Variants in RBM33 observed in about 807,000 individuals in gnomAD.
RBM33 encodes RNA binding motif protein 33, also known as RNA-binding protein 33.
Under a neutral mutation model 132.6 loss-of-function variants are expected in RBM33, and 28 were observed. The ratio of observed to expected loss-of-function variants is 0.21; its 90% CI spans 0.16 to 0.29. The LOEUF is 0.29. Ranked by LOEUF, RBM33 falls within the 10% of genes least tolerant of loss-of-function variation. The pLI is 1.00. For missense variants in RBM33, 1,291 were observed against 1,518.5 expected (o/e 0.85, Z 2.49); for synonymous variants, 634 against 593.0 (o/e 1.07, Z -1.01).
intron 2 of RBM33, among the ~76,000 whole-genome samples, chr7:155,671,631 T>C (rs1439605570): frequency 6.6e-6 from 1 of 152,228 alleles, no homozygotes; most frequent in Non-Finnish European, 1.5e-5. Context: ...ATGGTTTTGC[T>C]GATTTCTCAA....
rs575284484 is a variant in RBM33 at position 155,709,784 on chromosome 7, AG to A, written c.949-1414del. On this transcript the variant is annotated intron_variant, in intron 7 of 17. Coordinates refer to ENST00000401878, the MANE Select transcript of RBM33 (RefSeq NM_053043.3). ...TGTGCACAGATGTGATGAGTTAAGG[AG>A]GGGGAAACATACTGCATTCTGGGAG... is the stretch of plus-strand genomic sequence containing the variant. 1.4e-3 allele frequency among the ~76,000 whole-genome samples: 216 copies of A among 152,294 alleles called. 4 individuals are homozygous for A. The highest frequency in any genetic ancestry group is 5.0e-3 in the African/African-American group (206 of 41,554).
At chr7:155,696,668 A>C (rs1585450676) in intron 5 of RBM33, among the ~76,000 whole-genome samples, 1 of 152,092 alleles carries the variant, frequency 6.6e-6, no homozygotes, top group East Asian at 1.9e-4. Context: ...TATGGCTTTT[A>C]TTCCTTATTG....
At chr7:155,716,593 A>G (rs1800470562) in intron 8 of RBM33, among the ~76,000 whole-genome samples, 1 of 151,522 alleles carries the variant, frequency 6.6e-6, no homozygotes. Context: ...ATATTTGTTA[A>G]CTTGATTATA....
intron 5 of RBM33, among the ~76,000 whole-genome samples, chr7:155,686,725 C>G (rs545283146): frequency 6.6e-6 from 1 of 152,004 alleles, no homozygotes; most frequent in Admixed American, 6.6e-5. Flanking sequence ...TGAGAACATG[C>G]AGTGTTTGGT....
chr7:155,769,663 T>C (rs1227662654), intron 16 of RBM33, among the ~76,000 whole-genome samples: 1 of 151,874 alleles, frequency 6.6e-6, no homozygotes. Context: ...TAAGATAAAG[T>C]GGATCACCGA....
chr7:155,732,480 C>T (rs1387490017), intron 9 of RBM33, among the ~76,000 whole-genome samples: 7 of 152,130 alleles, frequency 4.6e-5, no homozygotes, highest in East Asian at 3.9e-4. Flanking sequence ...TGATGAGTTG[C>T]GAGCCCTGAA....
intron 1 of RBM33, among the ~76,000 whole-genome samples, chr7:155,662,934 A>G (rs531600029): frequency 6.6e-6 from 1 of 152,276 alleles, no homozygotes; most frequent in East Asian, 1.9e-4. Context: ...AGTTTCAAGG[A>G]TGAAGAGGGG....
At chr7:155,756,082 C>T (rs1801840982) in intron 14 of RBM33, among the ~76,000 whole-genome samples, 2 of 152,104 alleles carry the variant, frequency 1.3e-5, no homozygotes, top group Admixed American at 1.3e-4. Context: ...AGTTAAAAAG[C>T]GAACACCACC....
intron 1 of RBM33, among the ~76,000 whole-genome samples, chr7:155,645,813 A>G (rs1798170821): frequency 6.6e-6 from 1 of 152,186 alleles, no homozygotes; most frequent in South Asian, 2.1e-4. Context: ...TCTAGTGTAT[A>G]CTCGAGAAGT....
Position 155,778,423 on chromosome 7 carries a change from G to A in RBM33, c.*3382G>A. 1 of 152,566 alleles carries A rather than the reference G, an allele frequency of 6.6e-6. No individual in the cohort carries two copies. Among genetic ancestry groups the A allele is most frequent in the Non-Finnish European group, 1.5e-5 (1 of 68,154 alleles). The allele number at this position is 152,566 out of a possible 1,614,324, so 9.5% of individuals were successfully genotyped here. On this transcript the variant is annotated 3_prime_UTR_variant, in exon 18 of 18. Transcript: ENST00000401878. The surrounding 1 kb of genome is among the most constrained non-coding windows in gnomAD (Gnocchi z 4.0). Reference sequence around the variant, plus strand: ...TTTAGGGTGAAAAGGAGGAAGGGATGGACAGACCCAGGTGAGGAGAGGCCT... The same window carrying A: ...TTTAGGGTGAAAAGGAGGAAGGGATAGACAGACCCAGGTGAGGAGAGGCCT...
intron 1 of RBM33, among the ~76,000 whole-genome samples, chr7:155,662,519 GC>G (rs139288216): frequency 2.1e-4 from 32 of 150,996 alleles, no homozygotes; most frequent in African/African-American, 7.3e-4. Flanking sequence ...TCCTCACCCC[GC>G]CCCCCCCGCT....
chr7:155,680,124 G>T (rs566405430), intron 4 of RBM33, among the ~76,000 whole-genome samples: 105 of 152,210 alleles, frequency 6.9e-4, no homozygotes, highest in Non-Finnish European at 1.3e-3. Context: ...GAAAAAAATT[G>T]TTCTTAAAAT....
At chr7:155,660,233 C>T (rs1798603848) in intron 1 of RBM33, among the ~76,000 whole-genome samples, 1 of 152,048 alleles carries the variant, frequency 6.6e-6, no homozygotes. Flanking sequence ...ACCACCACAC[C>T]CAGCTAAGTT....
At chr7:155,656,284 C>T (rs1424169702) in intron 1 of RBM33, among the ~76,000 whole-genome samples, 2 of 152,054 alleles carry the variant, frequency 1.3e-5, no homozygotes, top group African/African-American at 2.4e-5. Context: ...ATCAGGGCAC[C>T]AATATTTTCA....
rs116773707 is a variant in RBM33 at position 155,740,451 on chromosome 7, C to T, written c.2049+425C>T. Among the ~76,000 whole-genome samples, 621 of 152,064 alleles carry T rather than the reference C, an allele frequency of 4.1e-3. 8 individuals carry two copies. Among genetic ancestry groups the T allele is most frequent in the African/African-American group, 0.014 (596 of 41,474 alleles). ...TACATAAATGAATTCAGGAAAAATACGTTGACTGTTCTGTTGCCAGGTGCT... is the reference window on the plus strand; with the variant it reads ...TACATAAATGAATTCAGGAAAAATATGTTGACTGTTCTGTTGCCAGGTGCT... On this transcript the variant is annotated intron_variant, in intron 12 of 17. Transcript: ENST00000401878.
At chr7:155,644,995 G>C in intron 1 of RBM33, 76 bp downstream of exon 1, 1 of 1,152,612 alleles carries the variant, frequency 8.7e-7, no homozygotes, top group South Asian at 1.6e-5. Context: ...GGGCCTCCCC[G>C]CTTAGGAGAG....
intron 1 of RBM33, among the ~76,000 whole-genome samples, chr7:155,663,737 G>A (rs1020951889): frequency 6.6e-6 from 1 of 152,090 alleles, no homozygotes; most frequent in African/African-American, 2.4e-5. Flanking sequence ...AATTCCTGAG[G>A]CTTTATAGGT....
intron 16 of RBM33, among the ~76,000 whole-genome samples, chr7:155,773,946 G>T (rs2117087501): frequency 6.6e-6 from 1 of 152,242 alleles, no homozygotes; most frequent in South Asian, 2.1e-4. Context: ...ATTGTTTTAG[G>T]CCAGTGGGTG....
intron 1 of RBM33, among the ~76,000 whole-genome samples, chr7:155,650,795 C>T (rs1373662638): frequency 6.6e-6 from 1 of 152,148 alleles, no homozygotes; most frequent in Non-Finnish European, 1.5e-5. Flanking sequence ...TTTAAATTTT[C>T]CTAGAAAAAT....
Sources: gnomAD v4.1 joint callset for allele counts (sites outside exome capture counted in the v4.1 genomes callset) on GRCh38, gnomAD v4.1.1 for gene constraint, Gnocchi (gnomAD v3.1) non-coding constraint, MANE v1.5 for transcripts, NCBI Gene and HGNC (gene_info 2026-07-23, HGNC 2026-07-21) for gene names.